Variants in SNED1 observed in about 807,000 individuals in gnomAD.
The protein encoded by SNED1 is sushi, nidogen and EGF like domains 1.
Under a neutral mutation model 166.7 loss-of-function variants are expected in SNED1, and 81 were observed. The observed-to-expected ratio is 0.49, with a 90% CI of 0.41 to 0.58. The LOEUF is 0.58. SNED1 is among the 20% of genes least tolerant of loss of function. The pLI is 0.00. For synonymous variants in SNED1, 762 were observed against 822.0 expected, an observed-to-expected ratio of 0.93 and a Z score of 1.25; for missense variants, 1,604 against 2,000.2, an observed-to-expected ratio of 0.80 and a Z score of 3.78.
At position 241,053,211 on chromosome 2, in the gene SNED1, G is replaced by A. The variant is rs776073165; in HGVS notation, c.2142G>A (p.Thr714=). 14 of 1,609,314 alleles carry A rather than the reference G, an allele frequency of 8.7e-6. No individual in the cohort carries two copies. The South Asian group carries it at 9.9e-5, about 11-fold the overall frequency. Residue 714 remains threonine, a synonymous_variant, in exon 16 of 32, where the codon ACG becomes ACA. Transcript: ENST00000310397. ...ACGCCACACTGCGCTTCAACGGCAC[G>A]CGGCTGGGCGCGGTGGCCCTGTATG... ...VKHATLRFNG[T]RLGAVALYAC...
At chr2:241,002,478 G>A (rs1055659629) in intron 1 of SNED1, among the ~76,000 whole-genome samples, 1 of 152,188 alleles carries the variant, frequency 6.6e-6, no homozygotes, top group African/African-American at 2.4e-5. Flanking sequence ...GGCCAAGGTG[G>A]TCCTGCCCCT....
rs1393642701 is a variant in SNED1 at position 241,026,373 on chromosome 2, CTT to C, written c.214-3909_214-3908del. Among the ~76,000 whole-genome samples the C allele has an allele frequency of 5.3e-5, 8 of 152,248 alleles. No homozygotes were observed. The East Asian group carries it at 1.5e-3, about 29-fold the overall frequency. ...GATTGTTGAGCATATGGCTTGATGT[CTT>C]TCATCAGTTCTGGAAAATTCTCACC... On this transcript the variant is annotated intron_variant, in intron 1 of 31. Coordinates refer to ENST00000310397, the MANE Select transcript of SNED1 (RefSeq NM_001080437.3).
chr2:241,011,429 G>A (rs919540287), intron 1 of SNED1, among the ~76,000 whole-genome samples: 2 of 152,156 alleles, frequency 1.3e-5, no homozygotes, highest in African/African-American at 4.8e-5. Context: ...CTCAGCAGGT[G>A]TCTGAGGTGC....
At chr2:241,052,195 G>A (rs1234839895) in intron 14 of SNED1, 38 bp downstream of exon 14, 2 of 1,566,776 alleles carry the variant, frequency 1.3e-6, no homozygotes, top group Non-Finnish European at 1.8e-6. Flanking sequence ...GCGGCCAGGG[G>A]TGAACCCTCT....
rs2064201574 is a variant in SNED1, at chr2:241,093,755, T to C, written c.*2119T>C. 1.3e-5 allele frequency: 2 copies of C among 152,380 alleles called. No individual in the cohort carries two copies. The highest frequency in any genetic ancestry group is 4.8e-5 in the African/African-American group (2 of 41,464). 9.4% of individuals were successfully genotyped at this position (152,380 alleles called of 1,614,324 possible). ...GGTGCTCAGGAATTACAGTTCGTTC[T>C]TGAAACATTCCAAAGAGGCCACCAC... On this transcript the variant is annotated 3_prime_UTR_variant, in exon 32 of 32. Coordinates refer to ENST00000310397, the MANE Select transcript of SNED1 (RefSeq NM_001080437.3).
intron 8 of SNED1, among the ~76,000 whole-genome samples, chr2:241,044,866 G>A (rs2061608780): frequency 6.6e-6 from 1 of 152,160 alleles, no homozygotes; most frequent in African/African-American, 2.4e-5. Context: ...TGGCAAGGTA[G>A]GGAAATAAAA....
intron 1 of SNED1, among the ~76,000 whole-genome samples, chr2:241,001,005 G>A (rs1325831476): frequency 6.6e-6 from 1 of 152,224 alleles, no homozygotes; most frequent in African/African-American, 2.4e-5. Context: ...CATTTGTTCT[G>A]AAGGAAGTGG....
chr2:241,033,751 CTG>C lies in SNED1; in HGVS notation c.521_522del (p.Val174AlafsTer15). ...CCCCGGCAGGTCAACACATTCCAGACTGTGCTCATCACAGACGGCAAGCTCTC... is the reference window on the plus strand; with the variant it reads ...CCCCGGCAGGTCAACACATTCCAGACTGCTCATCACAGACGGCAAGCTCTC... On this transcript the variant is annotated frameshift_variant, in exon 3 of 32. Coordinates refer to ENST00000310397, the MANE Select transcript of SNED1 (RefSeq NM_001080437.3). LOFTEE classifies it high-confidence loss of function. 3 of 1,611,982 alleles carry C rather than the reference CTG, an allele frequency of 1.9e-6. No homozygotes were observed. The highest frequency in any genetic ancestry group is 2.5e-6 in the Non-Finnish European group (3 of 1,179,552).
rs554154761 is a variant in SNED1 at position 241,032,524 on chromosome 2, C to T, written c.502-1211C>T. Among the ~76,000 whole-genome samples the T allele has an allele frequency of 2.5e-3, 377 of 152,062 alleles. 2 individuals carry two copies. Among genetic ancestry groups the T allele is most frequent in the African/African-American group, 8.2e-3 (338 of 41,442 alleles). The stretch of plus-strand genomic sequence containing the variant: ...GGGGGAGGGATAGCATTAGGAGACA[C>T]ACCTAATGTAAATGACTAGGTAATG... On this transcript the variant is annotated intron_variant, in intron 2 of 31. Coordinates refer to ENST00000310397, the MANE Select transcript of SNED1 (RefSeq NM_001080437.3).
At position 241,073,067 on chromosome 2, in the gene SNED1, A is replaced by G. The variant is rs1162873059; in HGVS notation, c.3818-199A>G. ...CAAGGGGAAGGCCGAGCCCCTCCAG[A>G]GGGTCAGCAGGAGGGTGAGGCCAGC... On this transcript the variant is annotated intron_variant, in intron 26 of 31. Transcript: ENST00000310397. This position sits in a 1 kb window ranked among gnomAD's most constrained non-coding sequence, Gnocchi z 6.6. 1 of 566,696 alleles carries G rather than the reference A, an allele frequency of 1.8e-6. No homozygotes were observed. The allele number at this position is 566,696 out of a possible 1,614,324, so 35.1% of individuals were successfully genotyped here.
chr2:240,998,922 G>A lies in SNED1; in HGVS notation c.85G>A (p.Ala29Thr), dbSNP rs899324307. 1.5e-5 allele frequency: 19 copies of A among 1,257,316 alleles called. No individual in the cohort carries two copies. Among genetic ancestry groups the A allele is most frequent in the Admixed American group, 4.3e-5 (1 of 23,236 alleles). The allele number at this position is 1,257,316 out of a possible 1,614,324, so 77.9% of individuals were successfully genotyped here. ...CGGGGTGCGCGGCGCGGTGGCCCTT[G>A]CCGACTTCTACCCGTTCGGCGCCGA... ...ARGVRGAVALADFYPFGAERG... is the reference protein window; with the variant it reads ...ARGVRGAVALTDFYPFGAERG... Residue 29 changes from alanine (A) to threonine (T), a missense_variant, in exon 1 of 32, where the codon GCC becomes ACC. Transcript: ENST00000310397.
At chr2:241,019,969 C>T (rs1162559997) in intron 1 of SNED1, among the ~76,000 whole-genome samples, 1 of 152,206 alleles carries the variant, frequency 6.6e-6, no homozygotes, top group Non-Finnish European at 1.5e-5. Flanking sequence ...TGTGCTCAGC[C>T]GTGCTCCCAC....
intron 2 of SNED1, 192 bp from the exon 3 acceptor site, chr2:241,033,543 C>T: frequency 1.7e-6 from 1 of 598,052 alleles, no homozygotes; most frequent in Non-Finnish European, 2.9e-6. Flanking sequence ...TGCTGAGTGG[C>T]AGGCGCTGGG....
At chr2:241,024,585 A>G (rs1303304760) in intron 1 of SNED1, among the ~76,000 whole-genome samples, 1 of 151,388 alleles carries the variant, frequency 6.6e-6, no homozygotes, top group Admixed American at 6.6e-5. Context: ...CCACTGTTTT[A>G]TATTTTTTCT....
intron 22 of SNED1, 53 bp downstream of exon 22, chr2:241,068,000 T>G: frequency 1.4e-6 from 2 of 1,434,854 alleles, no homozygotes; most frequent in Non-Finnish European, 1.9e-6. Context: ...GGGTGGGGGC[T>G]CGGGGACACG....
intron 31 of SNED1, chr2:241,089,919 G>A (rs2063805670): frequency 2.6e-6 from 4 of 1,534,964 alleles, no homozygotes; most frequent in Non-Finnish European, 2.6e-6. Flanking sequence ...CCAAGTGTGT[G>A]TGTATCTAAA....
chr2:241,028,598 A>G (rs1402022362), intron 1 of SNED1, among the ~76,000 whole-genome samples: 1 of 152,220 alleles, frequency 6.6e-6, no homozygotes, highest in Non-Finnish European at 1.5e-5. Context: ...GTTTGATTAT[A>G]TATCGAAGGC....
intron 2 of SNED1, 138 bp downstream of exon 2, chr2:241,030,709 A>G (rs1190982488): frequency 2.1e-6 from 2 of 935,002 alleles, no homozygotes; most frequent in Non-Finnish European, 3.2e-6. Flanking sequence ...CGTGGTCAAA[A>G]CCACAGAGCC....
Position 241,075,240 on chromosome 2 carries a change from G to C in SNED1, c.3916+1876G>C, listed in dbSNP as rs2062966028. 6.6e-6 allele frequency: 1 copy of C among 152,212 alleles called. No homozygotes were observed. Among genetic ancestry groups the C allele is most frequent in the East Asian group, 1.9e-4 (1 of 5,200 alleles). 9.4% of individuals were successfully genotyped at this position (152,212 alleles called of 1,614,324 possible). Reference sequence around the variant, plus strand: ...CAGGTTTTCCAGTACGTGTGCGGGAGTGGAAAAGCTGGATCTAGGATGAGG... The same window carrying C: ...CAGGTTTTCCAGTACGTGTGCGGGACTGGAAAAGCTGGATCTAGGATGAGG... On this transcript the variant is annotated intron_variant, in intron 27 of 31. Transcript: ENST00000310397. This position sits in a 1 kb window ranked among gnomAD's most constrained non-coding sequence, Gnocchi z 4.8.
Sources: gnomAD v4.1 joint callset for allele counts (sites outside exome capture counted in the v4.1 genomes callset) on GRCh38, gnomAD v4.1.1 for gene constraint, Gnocchi (gnomAD v3.1) non-coding constraint, MANE v1.5 for transcripts, NCBI Gene and HGNC (gene_info 2026-07-23, HGNC 2026-07-21) for gene names.